FBXW11: variants seen among roughly 807,000 people sequenced by gnomAD.
FBXW11 encodes F-box and WD repeat domain containing 11.
FBXW11 carries 19 observed loss-of-function variants against 77.6 expected under a neutral mutation model. That is an observed-to-expected ratio of 0.24 (90% CI 0.17 to 0.36). The LOEUF (loss-of-function observed/expected upper bound fraction) is 0.36. Among genes scored for constraint, FBXW11 ranks in the 10% least tolerant of loss-of-function variants. FBXW11 has a pLI of 1.00. For missense variants in FBXW11, 334 were observed against 704.2 expected (o/e 0.47, Z 5.95); for synonymous variants, 235 against 249.4 (o/e 0.94, Z 0.54).
chr5:171,916,188 T>A (rs558837578), intron 2 of FBXW11, among the ~76,000 whole-genome samples: 2 of 148,392 alleles, frequency 1.3e-5, no homozygotes, highest in East Asian at 2.0e-4. Flanking sequence ...TGTATACATA[T>A]GTAACAAACC....
chr5:171,993,429 A>C (rs567540417), intron 1 of FBXW11, among the ~76,000 whole-genome samples: 7 of 152,060 alleles, frequency 4.6e-5, no homozygotes, highest in Admixed American at 6.5e-5. Flanking sequence ...CTGGCCAACA[A>C]TGGTAAAACC....
chr5:171,907,781 A>C lies in FBXW11; in HGVS notation c.436+2791T>G, dbSNP rs1037305293. Among the ~76,000 whole-genome samples the C allele has an allele frequency of 7.2e-5, 11 of 152,340 alleles. No homozygotes were observed. In the South Asian group the frequency reaches 2.1e-3, roughly 29 times the overall value. ...CTGTAATGAAAACTGAATTGTATGC[A>C]ATTATACTAACCATATTTATATACA... On this transcript the variant is annotated intron_variant, in intron 4 of 13. Coordinates refer to ENST00000517395, the MANE Select transcript of FBXW11 (RefSeq NM_001378974.1).
chr5:171,944,176 T>A (rs1762883266), intron 2 of FBXW11, among the ~76,000 whole-genome samples: 1 of 152,150 alleles, frequency 6.6e-6, no homozygotes, highest in Admixed American at 6.5e-5. Flanking sequence ...ACACTCATTC[T>A]ATTAAGTATA....
rs115062093 is a variant in FBXW11, at chr5:171,976,590, C to T, written c.46-18892G>A. 5.7e-3 allele frequency among the ~76,000 whole-genome samples: 872 copies of T among 152,184 alleles called. 9 individuals carry two copies. Among genetic ancestry groups the T allele is most frequent in the African/African-American group, 0.02 (826 of 41,506 alleles). ...CTCCACTCTCATGAATGGATTAATG[C>T]CAATTATAAAAGGGTTTCAGGCTGC... On this transcript the variant is annotated intron_variant, in intron 1 of 13. Coordinates refer to ENST00000517395, the MANE Select transcript of FBXW11 (RefSeq NM_001378974.1).
At chr5:171,963,697 T>C (rs764781636) in intron 1 of FBXW11, among the ~76,000 whole-genome samples, 26 of 152,004 alleles carry the variant, frequency 1.7e-4, no homozygotes, top group Non-Finnish European at 2.6e-4. Context: ...GGACAGGGGA[T>C]GGAGGTTTTT....
intron 3 of FBXW11, among the ~76,000 whole-genome samples, chr5:171,913,874 C>CACAA (rs1561677978): frequency 6.7e-6 from 1 of 149,736 alleles, no homozygotes; most frequent in Non-Finnish European, 1.5e-5. Flanking sequence ...CACACACACA[C>CACAA]AACCTGGGAA....
At chr5:171,959,395 A>C (rs1187698047) in intron 1 of FBXW11, among the ~76,000 whole-genome samples, 1 of 152,210 alleles carries the variant, frequency 6.6e-6, no homozygotes, top group African/African-American at 2.4e-5. Context: ...CTGAAATAGT[A>C]AACTCTCACA....
intron 1 of FBXW11, among the ~76,000 whole-genome samples, chr5:171,964,404 A>G (rs143893611): frequency 2.6e-5 from 4 of 152,402 alleles, no homozygotes; most frequent in African/African-American, 9.6e-5. Flanking sequence ...GATGAATCAG[A>G]CAATAGGTGG....
intron 1 of FBXW11, among the ~76,000 whole-genome samples, chr5:171,969,035 C>T (rs529660480): frequency 6.6e-6 from 1 of 151,658 alleles, no homozygotes; most frequent in Non-Finnish European, 1.5e-5. Context: ...TCTGGGAGGC[C>T]GAGGCAGATG....
At chr5:171,885,408 G>C (rs1364970161) in intron 7 of FBXW11, among the ~76,000 whole-genome samples, 1 of 152,064 alleles carries the variant, frequency 6.6e-6, no homozygotes, top group Admixed American at 6.6e-5. Context: ...TACGGTTCAG[G>C]TTACCCTACC....
rs1759511364 is a variant in FBXW11 at position 171,893,435 on chromosome 5, A to AAAAAAAAAAC, written c.715-1832_715-1831insGTTTTTTTTT. On this transcript the variant is annotated intron_variant, in intron 6 of 13. Coordinates refer to ENST00000517395, the MANE Select transcript of FBXW11 (RefSeq NM_001378974.1). ...CACTTCAAAACCAAAAAAAAAAAAA[A>AAAAAAAAAAC]AAAAAAAAAAAACTAACCCAACCAT... Among the ~76,000 whole-genome samples, 4 of 147,820 alleles carry AAAAAAAAAAC rather than the reference A, an allele frequency of 2.7e-5. 1 individual carries two copies. Among genetic ancestry groups the AAAAAAAAAAC allele is most frequent in the Non-Finnish European group, 6.0e-5 (4 of 66,964 alleles).
At chr5:171,918,869 T>C (rs1413758267) in intron 2 of FBXW11, among the ~76,000 whole-genome samples, 2 of 152,156 alleles carry the variant, frequency 1.3e-5, no homozygotes, top group Admixed American at 1.3e-4. Context: ...GATCGCCAAA[T>C]GTCCCAGGGA....
At chr5:171,978,308 C>CA (rs1764952059) in intron 1 of FBXW11, among the ~76,000 whole-genome samples, 1 of 152,142 alleles carries the variant, frequency 6.6e-6, no homozygotes, top group African/African-American at 2.4e-5. Context: ...AAAGGAATAT[C>CA]AAAGTAAAAG....
At chr5:171,868,848 A>T in intron 12 of FBXW11, 52 bp from the exon 13 acceptor site, 1 of 1,531,872 alleles carries the variant, frequency 6.5e-7, no homozygotes. Flanking sequence ...AGCCCCTGAT[A>T]TCTCACAATG....
chr5:171,924,611 T>C (rs2114002466), intron 2 of FBXW11, among the ~76,000 whole-genome samples: 1 of 152,276 alleles, frequency 6.6e-6, no homozygotes, highest in East Asian at 1.9e-4. Context: ...GGTAAAACGC[T>C]GTAATACTGT....
At position 171,973,973 on chromosome 5, in the gene FBXW11, G is replaced by A. The variant is rs142123690; in HGVS notation, c.46-16275C>T. 1.4e-3 allele frequency among the ~76,000 whole-genome samples: 219 copies of A among 152,126 alleles called. 1 individual carries two copies. Among genetic ancestry groups the A allele is most frequent in the African/African-American group, 5.1e-3 (211 of 41,494 alleles). ...TGTGTGTGTATGTTTTTAAGTCTTC[G>A]TTTTTGAGTACTTATCTTTTACAGA... On this transcript the variant is annotated intron_variant, in intron 1 of 13. Transcript: ENST00000517395.
In FBXW11 at chr5:171,899,062, T is replaced by C. The variant is rs1294517861; in HGVS notation, c.656A>G (p.Asp219Gly). The C allele has an allele frequency of 3.7e-6, 6 of 1,609,380 alleles. 1 individual carries two copies. In the South Asian group the frequency reaches 6.7e-5, roughly 18 times the overall value. Residue 219 changes from aspartate (D) to glycine (G), a missense_variant, in exon 6 of 14, where the codon GAT (aspartate) becomes GGT (glycine). Physicochemically the swap from Asp to Gly is moderately conservative, Grantham distance 94. Transcript: ENST00000517395. ...CCTATAAAATGAATTTGGAGGGCCA[T>C]CTGTGGGTCTGTTTTTAAACAGGTA... ...DQYLFKNRPT[D>G]GPPNSFYRSL...
At chr5:172,004,870 C>CACAT (rs1473586210) in intron 1 of FBXW11, among the ~76,000 whole-genome samples, 1 of 139,324 alleles carries the variant, frequency 7.2e-6, no homozygotes, top group Non-Finnish European at 1.5e-5. Context: ...CCCACGTGCA[C>CACAT]ACACACACAC....
Position 171,876,637 on chromosome 5 carries a change from T to C in FBXW11, c.972-103A>G. 7.1e-7 allele frequency: 1 copy of C among 1,406,294 alleles called. No homozygotes were observed. The highest frequency in any genetic ancestry group is 9.7e-7 in the Non-Finnish European group (1 of 1,027,138). 87.1% of individuals were successfully genotyped at this position (1,406,294 alleles called of 1,614,324 possible). A position where few individuals can be genotyped will look rare whatever the true frequency, so the allele number is the denominator to read the frequency against. On this transcript the variant is annotated intron_variant, in intron 8 of 13. Transcript: ENST00000517395. This position sits in a 1 kb window ranked among gnomAD's most constrained non-coding sequence, Gnocchi z 4.2. ...GGTCTGCAATGGTTTGGATATAGTTTGTCTGACTCTACCAAATCTCATGTT... is the reference window on the plus strand; with the variant it reads ...GGTCTGCAATGGTTTGGATATAGTTCGTCTGACTCTACCAAATCTCATGTT...
Sources: gnomAD v4.1 joint callset for allele counts (sites outside exome capture counted in the v4.1 genomes callset) on GRCh38, gnomAD v4.1.1 for gene constraint, Gnocchi (gnomAD v3.1) non-coding constraint, MANE v1.5 for transcripts, NCBI Gene and HGNC (gene_info 2026-07-23, HGNC 2026-07-21) for gene names.